Variants in ADAM33 observed in about 807,000 individuals in gnomAD.
ADAM33 encodes disintegrin and metalloproteinase domain-containing protein 33.
ADAM33 carries 103 observed loss-of-function variants against 106.2 expected under a neutral mutation model. The observed-to-expected ratio is 0.97, with a 90% CI of 0.83 to 1.14. The LOEUF is 1.14. Ranked by LOEUF, ADAM33 falls within the 50% of genes most tolerant of loss-of-function variation. The pLI, the probability that ADAM33 is intolerant of heterozygous loss-of-function variation, is 0.00. For synonymous variants in ADAM33, 483 were observed against 453.0 expected (o/e 1.07, Z -0.84); for missense variants, 1,120 against 1,096.6 (o/e 1.02, Z -0.30).
chr20:3,669,592 G>A lies in ADAM33; in HGVS notation c.2286C>T (p.His762=). The change falls in exon 20 of 22, where the codon CAC becomes CAT. Residue 762 remains histidine (H), a synonymous_variant. Transcript: ENST00000356518. ...TGGCTGTGGGGCCCAACTCCATGGG[G>A]TGAACGCCGCCCAGGGGGTGGTCCC... The part of the protein sequence containing the change: ...PHRDHPLGGV[H]PMELGPTATG... 1 of 1,603,938 alleles carries A rather than the reference G, an allele frequency of 6.2e-7. No homozygotes were observed. Among genetic ancestry groups the A allele is most frequent in the African/African-American group, 1.3e-5 (1 of 74,918 alleles).
intron 1 of ADAM33, among the ~76,000 whole-genome samples, chr20:3,681,308 C>T (rs1413603089): frequency 1.3e-5 from 2 of 152,174 alleles, no homozygotes; most frequent in Non-Finnish European, 2.9e-5. Context: ...AAACAGACAC[C>T]TTCTATCTGG....
intron 1 of ADAM33, among the ~76,000 whole-genome samples, chr20:3,679,797 G>T (rs1330467713): frequency 6.6e-6 from 1 of 152,190 alleles, no homozygotes; most frequent in Non-Finnish European, 1.5e-5. Context: ...AGGCTGGAAA[G>T]GGACAGCTCA....
chr20:3,672,771 C>G lies in ADAM33; in HGVS notation c.1261G>C (p.Gly421Arg), dbSNP rs2087631807. 1 of 1,568,958 alleles carries G rather than the reference C, an allele frequency of 6.4e-7. No homozygotes were observed. The highest frequency in any genetic ancestry group is 1.4e-5 in the African/African-American group (1 of 73,680). Residue 421 changes from glycine to arginine, a missense_variant, in exon 12 of 22, where the codon GGG becomes CGG. Physicochemically the swap from Gly to Arg is moderately radical, Grantham distance 125. Transcript: ENST00000356518. ...PGLPVPPALCGNGFVEAGEEC... is the reference protein window; with the variant it reads ...PGLPVPPALCRNGFVEAGEEC... ...TCGCCCGCTTCCACGAAGCCGTTCC[C>G]GCAGAGCGCCGGCGGCACCGGGAGT...
chr20:3,673,891 A>G lies in ADAM33; in HGVS notation c.759T>C (p.Ile253=), dbSNP rs2087750097. 6.4e-7 allele frequency: 1 copy of G among 1,563,840 alleles called. No homozygotes were observed. The highest frequency in any genetic ancestry group is 1.4e-5 in the African/African-American group (1 of 73,684). ...CCTCCAGGCCGGTCAGCGCCACCTGAATGTCCAGAGTCCTGAGAAGCTGAG... is the reference window on the plus strand; with the variant it reads ...CCTCCAGGCCGGTCAGCGCCACCTGGATGTCCAGAGTCCTGAGAAGCTGAG... ...YVDQLLRTLD[I]QVALTGLEVW... The change falls in exon 9 of 22, where the codon ATT becomes ATC. Residue 253 remains isoleucine, a synonymous_variant. Transcript: ENST00000356518.
intron 2 of ADAM33, among the ~76,000 whole-genome samples, chr20:3,678,755 G>A (rs2088188710): frequency 6.6e-6 from 1 of 152,232 alleles, no homozygotes; most frequent in African/African-American, 2.4e-5. Context: ...AGAGCTGTGT[G>A]ACCATGGACA....
rs569584154 is a variant in ADAM33, at chr20:3,675,968, T to C, written c.255-863A>G. On this transcript the variant is annotated intron_variant, in intron 3 of 21. Coordinates refer to ENST00000356518, the MANE Select transcript of ADAM33 (RefSeq NM_025220.5). The surrounding 1 kb of genome is among the most constrained non-coding windows in gnomAD (Gnocchi z 4.1). ...GGAGGTAGGTGATGTGACCACCCCA[T>C]TGAAAGGGTAGGGACGTCGGGAAAA... Among the ~76,000 whole-genome samples, 3 of 149,636 alleles carry C rather than the reference T, an allele frequency of 2.0e-5. No homozygotes were observed. The highest frequency in any genetic ancestry group is 4.1e-4 in the East Asian group (2 of 4,878).
At chr20:3,672,988 C>G in intron 11 of ADAM33, 90 bp from the exon 12 acceptor site, 1 of 1,441,656 alleles carries the variant, frequency 6.9e-7, no homozygotes, top group Non-Finnish European at 9.1e-7. Context: ...TGGCTACAGC[C>G]GCCAGACGCG....
At chr20:3,676,551 G>C (rs1025131844) in intron 3 of ADAM33, among the ~76,000 whole-genome samples, 1 of 151,450 alleles carries the variant, frequency 6.6e-6, no homozygotes, top group African/African-American at 2.4e-5. Context: ...CGATTCTCCC[G>C]TCTCAGCCCC....
intron 1 of ADAM33, among the ~76,000 whole-genome samples, chr20:3,679,912 G>A (rs1220500616): frequency 1.3e-5 from 2 of 152,224 alleles, no homozygotes; most frequent in East Asian, 3.8e-4. Context: ...AGGAAAGAGC[G>A]CGGCAGCCTT....
rs889167121 is a variant in ADAM33 at position 3,681,791 on chromosome 20, T to TGGTGCC, written c.97+111_97+116dup. On this transcript the variant is annotated intron_variant, in intron 1 of 21. Coordinates refer to ENST00000356518, the MANE Select transcript of ADAM33 (RefSeq NM_025220.5). ...CCCACGCCCTGACCTACTGGCCGTATGGTGCCGGGGCCGTGAGACCCTCCG... is the reference window on the plus strand; with the variant it reads ...CCCACGCCCTGACCTACTGGCCGTATGGTGCCGGTGCCGGGGCCGTGAGACCCTCCG... 3.6e-6 allele frequency: 5 copies of TGGTGCC among 1,394,594 alleles called. No individual in the cohort carries two copies. In the African/African-American group the frequency reaches 7.6e-5, roughly 21 times the overall value. 86.4% of individuals were successfully genotyped at this position (1,394,594 alleles called of 1,614,324 possible).
In ADAM33 at chr20:3,674,073, G is replaced by A. The variant is rs763760073; in HGVS notation, c.729C>T (p.Tyr243=). 3.7e-6 allele frequency: 6 copies of A among 1,614,010 alleles called. No individual in the cohort carries two copies. In the African/African-American group the frequency reaches 5.3e-5, roughly 14 times the overall value. Residue 243 remains tyrosine (Y), a synonymous_variant, in exon 8 of 22, where the codon TAC becomes TAT. Coordinates refer to ENST00000356518, the MANE Select transcript of ADAM33 (RefSeq NM_025220.5). ...TKQRLLEVAN[Y]VDQLLRTLDI... is the part of the protein sequence containing the mutation. ...CCCCGCCGCCCCCAACCTGGTCCAC[G>A]TAGTTGGCGACTTCCAGGAGACGCT...
At chr20:3,680,342 C>G (rs2088376739) in intron 1 of ADAM33, among the ~76,000 whole-genome samples, 1 of 152,176 alleles carries the variant, frequency 6.6e-6, no homozygotes, top group African/African-American at 2.4e-5. Flanking sequence ...CCCTCCTTCC[C>G]CCGGTACCCA....
At chr20:3,680,425 G>A (rs1426549830) in intron 1 of ADAM33, among the ~76,000 whole-genome samples, 1 of 152,230 alleles carries the variant, frequency 6.6e-6, no homozygotes, top group African/African-American at 2.4e-5. Context: ...GCTGATGGCT[G>A]CCTGTGGAAG....
At position 3,672,765 on chromosome 20, in the gene ADAM33, C is replaced by G. The variant is rs759939443; in HGVS notation, c.1267G>C (p.Gly423Arg). The G allele has an allele frequency of 3.8e-6, 6 of 1,568,684 alleles. No homozygotes were observed. The African/African-American group carries it at 6.8e-5, about 18-fold the overall frequency. Residue 423 changes from glycine to arginine, a missense_variant, in exon 12 of 22, where the codon GGC becomes CGC. By Grantham distance (125) the Gly-to-Arg change is moderately radical. Transcript: ENST00000356518. ...LPVPPALCGN[G>R]FVEAGEECDC... The stretch of plus-strand genomic sequence containing the variant: ...CACTCCTCGCCCGCTTCCACGAAGC[C>G]GTTCCCGCAGAGCGCCGGCGGCACC...
At chr20:3,680,123 C>T (rs2088354253) in intron 1 of ADAM33, among the ~76,000 whole-genome samples, 1 of 152,122 alleles carries the variant, frequency 6.6e-6, no homozygotes, top group South Asian at 2.1e-4. Flanking sequence ...CTCATCTCTT[C>T]AAGGGGAGGG....
In ADAM33 at chr20:3,671,792, T is replaced by G; in HGVS notation, c.1707-13A>C. ...ACACAGGGCATCCCTGGGGAGGAAGTAGAGGGGGGTCAACAGCTGCAGTAC... is the reference window on the plus strand; with the variant it reads ...ACACAGGGCATCCCTGGGGAGGAAGGAGAGGGGGGTCAACAGCTGCAGTAC... On this transcript the variant is annotated splice_polypyrimidine_tract_variant and intron_variant, in intron 15 of 21. Coordinates refer to ENST00000356518, the MANE Select transcript of ADAM33 (RefSeq NM_025220.5). The G allele has an allele frequency of 6.4e-7, 1 of 1,555,616 alleles. No homozygotes were observed. The highest frequency in any genetic ancestry group is 8.7e-7 in the Non-Finnish European group (1 of 1,149,440).
In ADAM33 at chr20:3,674,260, G is replaced by T. The variant is rs753884791; in HGVS notation, c.625C>A (p.Arg209=). ...ACAATGTACAGTTCCAGGTACTTCC[G>T]GGTCCTGCGCGCTTCTCGCCTGCCC... ...SRGRREARRT[R]KYLELYIVAD... is the part of the protein sequence containing the mutation. The change falls in exon 7 of 22, where the codon CGG becomes AGG. Residue 209 remains arginine (R), a synonymous_variant. Coordinates refer to ENST00000356518, the MANE Select transcript of ADAM33 (RefSeq NM_025220.5). The T allele has an allele frequency of 2.5e-6, 4 of 1,613,990 alleles. No individual in the cohort carries two copies. Among genetic ancestry groups the T allele is most frequent in the Non-Finnish European group, 3.4e-6 (4 of 1,180,002 alleles).
intron 6 of ADAM33, 49 bp from the exon 7 acceptor site, chr20:3,674,333 C>A (rs1568810541): frequency 6.2e-7 from 1 of 1,612,484 alleles, no homozygotes; most frequent in Non-Finnish European, 8.5e-7. Flanking sequence ...TGGGCTTGAG[C>A]CCTGACCACC....
At chr20:3,676,861 G>A (rs564061767) in intron 3 of ADAM33, among the ~76,000 whole-genome samples, 1 of 152,314 alleles carries the variant, frequency 6.6e-6, no homozygotes, top group East Asian at 1.9e-4. Flanking sequence ...GGGTTGGGAG[G>A]GCGGAGGTGC....
Sources: allele counts gnomAD v4.1 joint callset (sites outside exome capture counted in the v4.1 genomes callset), GRCh38; gene constraint gnomAD v4.1.1; non-coding constraint Gnocchi (gnomAD v3.1); transcripts MANE v1.5; gene names NCBI Gene and HGNC (gene_info 2026-07-23, HGNC 2026-07-21).